The following LGSN variants were observed in gnomAD, a reference collection of about 807,000 sequenced individuals.
LGSN encodes the protein lengsin.
A neutral mutation model predicts 19.5 loss-of-function variants in LGSN; 21 were observed. That is an observed-to-expected ratio of 1.07 (90% CI 0.76 to 1.55). The LOEUF is 1.55. Ranked by LOEUF, LGSN falls within the 40% of genes most tolerant of loss-of-function variation. LGSN has a pLI of 0.00. For synonymous variants in LGSN, 257 were observed against 215.6 expected (o/e 1.19, Z -1.68); for missense variants, 673 against 608.5 (o/e 1.11, Z -1.12).
At chr6:63,536,670 G>A in the LGSN span, among the ~76,000 whole-genome samples, 3 of 151,934 alleles carry the variant, frequency 2.0e-5, no homozygotes, top group African/African-American at 7.3e-5. Flanking sequence ...TATCCACAAG[G>A]ATAATAAATA....
chr6:63,481,865 C>A, the LGSN span: 1 of 247,410 alleles, frequency 4.0e-6, no homozygotes, highest in South Asian at 6.4e-5. Flanking sequence ...GATGTGGCTG[C>A]GTTCAACAAG....
the LGSN span, among the ~76,000 whole-genome samples, chr6:63,435,473 A>C: frequency 1.3e-5 from 2 of 152,206 alleles, no homozygotes; most frequent in Non-Finnish European, 2.9e-5. Flanking sequence ...AAAGTTATAG[A>C]AAGAACTGAA....
chr6:63,533,466 A>C, the LGSN span, among the ~76,000 whole-genome samples: 2 of 152,218 alleles, frequency 1.3e-5, no homozygotes. Flanking sequence ...ATGAAAAAAT[A>C]AAGGCTAGAA....
At chr6:63,360,324 A>C in the LGSN span, among the ~76,000 whole-genome samples, 1 of 152,142 alleles carries the variant, frequency 6.6e-6, no homozygotes, top group African/African-American at 2.4e-5. Context: ...TGGACTTTTC[A>C]TGTAGTCTCA....
the LGSN span, among the ~76,000 whole-genome samples, chr6:63,465,964 C>T: frequency 7.9e-5 from 12 of 152,268 alleles, no homozygotes; most frequent in African/African-American, 1.9e-4. Context: ...GAATCATTAT[C>T]GGGATTGCCT....
At chr6:63,333,189 T>A in the LGSN span, among the ~76,000 whole-genome samples, 1 of 152,038 alleles carries the variant, frequency 6.6e-6, no homozygotes, top group African/African-American at 2.4e-5. Context: ...CCCACCTACA[T>A]CCTGCTGGCT....
chr6:63,401,196 A>C, the LGSN span, among the ~76,000 whole-genome samples: 1 of 151,540 alleles, frequency 6.6e-6, no homozygotes. Context: ...GATTTCAAAC[A>C]AGCCTGGGTA....
chr6:63,340,305 T>A, the LGSN span, among the ~76,000 whole-genome samples: 1 of 152,148 alleles, frequency 6.6e-6, no homozygotes, highest in Non-Finnish European at 1.5e-5. Flanking sequence ...GATGTCTATA[T>A]CTCTCTGAAG....
chr6:63,553,187 A>G, the LGSN span, among the ~76,000 whole-genome samples: 2 of 152,192 alleles, frequency 1.3e-5, no homozygotes, highest in African/African-American at 2.4e-5. Flanking sequence ...CTCATCAAAT[A>G]AGTCCTCAGT....
the LGSN span, among the ~76,000 whole-genome samples, chr6:63,330,295 GT>G: frequency 2.0e-5 from 3 of 152,118 alleles, no homozygotes; most frequent in Non-Finnish European, 4.4e-5. Flanking sequence ...ACCAAGATTT[GT>G]TTGTCTGAGG....
the LGSN span, among the ~76,000 whole-genome samples, chr6:63,333,442 G>T: frequency 6.6e-6 from 1 of 151,028 alleles, no homozygotes; most frequent in Non-Finnish European, 1.5e-5. Flanking sequence ...GAAAAGAAAA[G>T]AGGGAAGGGG....
At chr6:63,541,737 T>A in the LGSN span, among the ~76,000 whole-genome samples, 2 of 152,174 alleles carry the variant, frequency 1.3e-5, no homozygotes, top group Non-Finnish European at 2.9e-5. Context: ...TTAAAAAAGA[T>A]GCATTTATTA....
intron 2 of LGSN, among the ~76,000 whole-genome samples, chr6:63,289,083 CG>C (rs1562007716): frequency 6.6e-6 from 1 of 152,104 alleles, no homozygotes; most frequent in East Asian, 1.9e-4. Flanking sequence ...GCTCCTTGAG[CG>C]CCAAGGCTTA....
At chr6:63,527,614 A>C in the LGSN span, among the ~76,000 whole-genome samples, 3 of 152,210 alleles carry the variant, frequency 2.0e-5, no homozygotes, top group Non-Finnish European at 4.4e-5. Context: ...AGTTTCGGTG[A>C]CAACTCTTCC....
chr6:63,488,265 A>G, the LGSN span, among the ~76,000 whole-genome samples: 7 of 152,278 alleles, frequency 4.6e-5, no homozygotes, highest in South Asian at 6.2e-4. Context: ...CTCTAGATAT[A>G]TTATGTCATT....
the LGSN span, among the ~76,000 whole-genome samples, chr6:63,344,068 A>G: frequency 6.6e-6 from 1 of 152,208 alleles, no homozygotes; most frequent in African/African-American, 2.4e-5. Context: ...TAACCTCCAT[A>G]TGACAGCCCA....
At chr6:63,357,830 A>C in the LGSN span, among the ~76,000 whole-genome samples, 3 of 152,058 alleles carry the variant, frequency 2.0e-5, no homozygotes, top group Non-Finnish European at 4.4e-5. Flanking sequence ...GAAGCTCTTT[A>C]GTTTAATTAG....
chr6:63,511,983 A>G, the LGSN span, among the ~76,000 whole-genome samples: 1 of 152,304 alleles, frequency 6.6e-6, no homozygotes, highest in African/African-American at 2.4e-5. Context: ...AACTGTAAGG[A>G]TACTTATTTT....
At chr6:63,369,865 T>A in the LGSN span, among the ~76,000 whole-genome samples, 1 of 152,018 alleles carries the variant, frequency 6.6e-6, no homozygotes, top group Non-Finnish European at 1.5e-5. Flanking sequence ...TTGCTGGGCG[T>A]GGCACATGCC....
Sources: allele counts gnomAD v4.1 joint callset (sites outside exome capture counted in the v4.1 genomes callset), GRCh38; gene constraint gnomAD v4.1.1; transcripts MANE v1.5; gene names NCBI Gene and HGNC (gene_info 2026-07-23, HGNC 2026-07-21).